ZBTB16: variants seen among roughly 807,000 people sequenced by gnomAD.
ZBTB16 encodes zinc finger and BTB domain containing 16.
A neutral mutation model predicts 56.8 loss-of-function variants in ZBTB16; 8 were observed. The observed-to-expected ratio is 0.14, with a 90% CI of 0.08 to 0.25. The LOEUF (loss-of-function observed/expected upper bound fraction) is 0.25. Among genes scored for constraint, ZBTB16 ranks in the 10% least tolerant of loss-of-function variants. The pLI is 1.00. For missense variants in ZBTB16, 625 were observed against 903.0 expected (o/e 0.69, Z 3.95); for synonymous variants, 363 against 368.5 (o/e 0.98, Z 0.17).
intron 2 of ZBTB16, among the ~76,000 whole-genome samples, chr11:114,148,332 GCTGGCTTC>G (rs111921299): frequency 0.083 from 7,702 of 92,550 alleles, 272 homozygotes; most frequent in African/African-American, 0.13. Context: ...TGCATGGCTG[GCTGGCTTC>G]CTTCCTTCCT....
intron 2 of ZBTB16, among the ~76,000 whole-genome samples, chr11:114,120,742 A>G (rs11602644): frequency 3.3e-5 from 5 of 152,168 alleles, no homozygotes; most frequent in Non-Finnish European, 5.9e-5. Context: ...ATTAGGGCCC[A>G]TCGAGGGAGC....
chr11:114,092,360 C>T (rs1015479073), intron 2 of ZBTB16, among the ~76,000 whole-genome samples: 5 of 152,190 alleles, frequency 3.3e-5, no homozygotes, highest in Non-Finnish European at 5.9e-5. Context: ...GACAGCTCCA[C>T]GCTGCTCCTT....
intron 2 of ZBTB16, among the ~76,000 whole-genome samples, chr11:114,086,683 A>T (rs1939967378): frequency 6.6e-6 from 1 of 152,154 alleles, no homozygotes; most frequent in Non-Finnish European, 1.5e-5. Context: ...CTGTGAGGTG[A>T]ATCCTATTAA....
chr11:114,136,054 AG>A (rs1941789357), intron 2 of ZBTB16, among the ~76,000 whole-genome samples: 8 of 152,180 alleles, frequency 5.3e-5, no homozygotes, highest in Admixed American at 3.9e-4. Flanking sequence ...CTCTGAGTAA[AG>A]GAGGAGGGTT....
chr11:114,114,326 G>T (rs1034031322), intron 2 of ZBTB16, among the ~76,000 whole-genome samples: 1 of 152,110 alleles, frequency 6.6e-6, no homozygotes, highest in Non-Finnish European at 1.5e-5. Flanking sequence ...AACCTGACTG[G>T]GGAGGGACCA....
chr11:114,219,393 T>C (rs1160319168), intron 4 of ZBTB16, among the ~76,000 whole-genome samples: 1 of 152,152 alleles, frequency 6.6e-6, no homozygotes, highest in Non-Finnish European at 1.5e-5. Flanking sequence ...TGAGCAAGTG[T>C]GTGATGCTGG....
chr11:114,082,591 C>G (rs1020341240), intron 2 of ZBTB16, among the ~76,000 whole-genome samples: 3 of 152,196 alleles, frequency 2.0e-5, no homozygotes, highest in African/African-American at 7.2e-5. Flanking sequence ...GCCCCCTGCT[C>G]CTTCCCTGCC....
chr11:114,146,806 G>A (rs577974229), intron 2 of ZBTB16, among the ~76,000 whole-genome samples: 133 of 146,364 alleles, frequency 9.1e-4, no homozygotes, highest in Middle Eastern at 3.7e-3. Flanking sequence ...TCGAGATCAC[G>A]CCACTGCACT....
intron 4 of ZBTB16, among the ~76,000 whole-genome samples, chr11:114,229,113 T>G (rs1944387552): frequency 6.6e-6 from 1 of 152,194 alleles, no homozygotes; most frequent in South Asian, 2.1e-4. Flanking sequence ...TTGGTATGAA[T>G]TTGCTGTGTC....
intron 2 of ZBTB16, among the ~76,000 whole-genome samples, chr11:114,086,771 A>C (rs1565617064): frequency 6.6e-6 from 1 of 152,000 alleles, no homozygotes; most frequent in South Asian, 2.1e-4. Context: ...GAGCTCCTCA[A>C]CTCTGTTGAT....
chr11:114,136,178 C>T lies in ZBTB16; in HGVS notation c.1269-20159C>T, dbSNP rs534409565. ...GGAGTCCTTCTTGTAACTTGTCTTC[C>T]TTTTGTGAACAACCTGGGTGTAGTT... On this transcript the variant is annotated intron_variant, in intron 2 of 6. Transcript: ENST00000335953. Among the ~76,000 whole-genome samples the T allele has an allele frequency of 3.3e-5, 5 of 152,310 alleles. No homozygotes were observed. In the South Asian group the frequency reaches 6.2e-4, roughly 19 times the overall value.
At chr11:114,136,624 A>C (rs977049192) in intron 2 of ZBTB16, among the ~76,000 whole-genome samples, 2 of 152,152 alleles carry the variant, frequency 1.3e-5, no homozygotes, top group African/African-American at 4.8e-5. Flanking sequence ...TGGTAGCTAC[A>C]GAGATGAGCT....
intron 2 of ZBTB16, among the ~76,000 whole-genome samples, chr11:114,097,691 A>G (rs1189144513): frequency 2.0e-5 from 3 of 152,222 alleles, no homozygotes; most frequent in Non-Finnish European, 2.9e-5. Context: ...ATTAAGTGCT[A>G]TCTCTCAAGT....
intron 2 of ZBTB16, among the ~76,000 whole-genome samples, chr11:114,074,254 T>A (rs1186268266): frequency 6.6e-6 from 1 of 152,190 alleles, no homozygotes; most frequent in Non-Finnish European, 1.5e-5. Flanking sequence ...TAGCTCAGCG[T>A]TGTGATCTTA....
chr11:114,062,496 A>T (rs1406090937), intron 1 of ZBTB16, among the ~76,000 whole-genome samples: 1 of 152,218 alleles, frequency 6.6e-6, no homozygotes, highest in Non-Finnish European at 1.5e-5. Context: ...TTCCGTGGGT[A>T]GAAATGACCC....
At chr11:114,080,510 G>A (rs1372721308) in intron 2 of ZBTB16, among the ~76,000 whole-genome samples, 1 of 152,158 alleles carries the variant, frequency 6.6e-6, no homozygotes, top group Non-Finnish European at 1.5e-5. Flanking sequence ...GTGTTAAAGA[G>A]GAAGGATGAG....
chr11:114,168,149 A>G (rs1045858380), intron 3 of ZBTB16, among the ~76,000 whole-genome samples: 15 of 152,256 alleles, frequency 9.9e-5, no homozygotes, highest in African/African-American at 3.4e-4. Flanking sequence ...TACCTCGCTT[A>G]GTAACCTGAA....
At chr11:114,088,544 G>A (rs1940053685) in intron 2 of ZBTB16, among the ~76,000 whole-genome samples, 3 of 152,204 alleles carry the variant, frequency 2.0e-5, no homozygotes, top group East Asian at 1.9e-4. Context: ...GCCCCGCTTC[G>A]TCCACTGCTC....
chr11:114,122,063 A>C lies in ZBTB16; in HGVS notation c.1269-34274A>C, dbSNP rs142941947. 6.1e-5 allele frequency: 19 copies of C among 311,032 alleles called. No homozygotes were observed. The East Asian group carries it at 2.0e-3, about 32-fold the overall frequency. 19.3% of individuals were successfully genotyped at this position (311,032 alleles called of 1,614,324 possible). A position where few individuals can be genotyped will look rare whatever the true frequency, so the allele number is the denominator to read the frequency against. ...ATGGTGATTTCTATAGCAACCATTT[A>C]TTCTAGCAGATGTGTGCCTGGTATG... On this transcript the variant is annotated intron_variant, in intron 2 of 6. Transcript: ENST00000335953.
Sources: allele counts gnomAD v4.1 joint callset (sites outside exome capture counted in the v4.1 genomes callset), GRCh38; gene constraint gnomAD v4.1.1; transcripts MANE v1.5; gene names NCBI Gene and HGNC (gene_info 2026-07-23, HGNC 2026-07-21).